Variants in RRM2B observed in about 807,000 individuals in gnomAD.
RRM2B encodes the protein ribonucleoside-diphosphate reductase subunit M2 B.
A neutral mutation model predicts 45.9 loss-of-function variants in RRM2B; 20 were observed. The observed-to-expected ratio is 0.44, with a 90% confidence interval of 0.31 to 0.63. RRM2B has a LOEUF of 0.63. Ranked by LOEUF, RRM2B falls within the 30% of genes least tolerant of loss-of-function variation. The pLI, the probability that RRM2B is intolerant of heterozygous loss-of-function variation, is 0.09. For synonymous variants in RRM2B, 124 were observed against 132.3 expected (o/e 0.94, Z 0.43); for missense variants, 320 against 414.7 (o/e 0.77, Z 1.98).
chr8:102,232,421 G>C (rs1234601008), intron 1 of RRM2B, 117 bp from the exon 2 acceptor site: 2 of 1,004,424 alleles, frequency 2.0e-6, no homozygotes, highest in Admixed American at 3.6e-5. Context: ...CTGTCTGCCT[G>C]GGTTGAATCC....
At chr8:102,209,495 G>C (rs1248336869) in intron 8 of RRM2B, among the ~76,000 whole-genome samples, 1 of 152,172 alleles carries the variant, frequency 6.6e-6, no homozygotes, top group Non-Finnish European at 1.5e-5. Context: ...ATAAGTGTTG[G>C]TGCGGATGTG....
rs1489552982 is a variant in RRM2B at position 102,205,596 on chromosome 8, T to A, written c.*2537A>T. ...AATGAAACATTTTTAATAAATGCAATCTATCATAGAACTGCAAGTTTTTAT... is the reference window on the plus strand; with the variant it reads ...AATGAAACATTTTTAATAAATGCAAACTATCATAGAACTGCAAGTTTTTAT... On this transcript the variant is annotated 3_prime_UTR_variant, in exon 9 of 9. Transcript: ENST00000251810. 1 of 152,178 alleles carries A rather than the reference T, an allele frequency of 6.6e-6. No homozygotes were observed. Among genetic ancestry groups the A allele is most frequent in the Non-Finnish European group, 1.5e-5 (1 of 68,000 alleles). The allele number at this position is 152,178 out of a possible 1,614,324, so 9.4% of individuals were successfully genotyped here.
At chr8:102,236,969 G>A (rs1443889152) in intron 1 of RRM2B, among the ~76,000 whole-genome samples, 4 of 151,854 alleles carry the variant, frequency 2.6e-5, no homozygotes, top group South Asian at 2.1e-4. Flanking sequence ...CACCACTTCC[G>A]TTTCTTTGCC....
chr8:102,232,210 T>C lies in RRM2B; in HGVS notation c.143A>G (p.Gln48Arg), dbSNP rs747846279. The C allele has an allele frequency of 1.2e-6, 2 of 1,614,148 alleles. No individual in the cohort carries two copies. Among genetic ancestry groups the C allele is most frequent in the South Asian group, 1.1e-5 (1 of 91,086 alleles). Residue 48 changes from glutamine (Q) to arginine (R), a missense_variant, in exon 2 of 9, where the codon CAG (glutamine) becomes CGG (arginine). By Grantham distance (43) the Gln-to-Arg change is conservative. Coordinates refer to ENST00000251810, the MANE Select transcript of RRM2B (RefSeq NM_015713.5). ...ATACATTTTCCAAATATCAGGGTAC[T>C]GGATTGGAAAGATGACAAACCGGCG... ...SSRRFVIFPI[Q>R]YPDIWKMYKQ...
At chr8:102,220,239 A>AATC (rs921057172) in intron 5 of RRM2B, among the ~76,000 whole-genome samples, 7 of 152,018 alleles carry the variant, frequency 4.6e-5, no homozygotes, top group Non-Finnish European at 7.4e-5. Flanking sequence ...CCATCTCAAA[A>AATC]ATCATCATCA....
At chr8:102,214,368 C>A in intron 6 of RRM2B, 2 of 573,962 alleles carry the variant, frequency 3.5e-6, no homozygotes, top group Non-Finnish European at 6.3e-6. Flanking sequence ...TCAATGCCAG[C>A]AAATCTTAGT....
chr8:102,211,336 T>C (rs11776865), intron 8 of RRM2B, among the ~76,000 whole-genome samples: 8,708 of 152,346 alleles, frequency 0.057, 273 homozygotes, highest in Middle Eastern at 0.14. Flanking sequence ...TTAAGCTTTT[T>C]GGCAATTTTT....
At position 102,217,937 on chromosome 8, in the gene RRM2B, A is replaced by G. The variant is rs578007196; in HGVS notation, c.684+877T>C. Among the ~76,000 whole-genome samples the G allele has an allele frequency of 1.1e-4, 16 of 152,322 alleles. No homozygotes were observed. In the South Asian group the frequency reaches 3.3e-3, roughly 32 times the overall value. ...CGGATGTGGCTGAAAAAGAAGAAGCAATCTAAAATGATTCCTAAATTTAAA... is the reference window on the plus strand; with the variant it reads ...CGGATGTGGCTGAAAAAGAAGAAGCGATCTAAAATGATTCCTAAATTTAAA... On this transcript the variant is annotated intron_variant, in intron 6 of 8. Transcript: ENST00000251810.
At chr8:102,208,756 T>A (rs1265118) in intron 8 of RRM2B, among the ~76,000 whole-genome samples, 15,082 of 152,190 alleles carry the variant, frequency 0.099, 775 homozygotes, top group African/African-American at 0.1. Flanking sequence ...TAAGGGAACA[T>A]GATCAGGGAA....
At chr8:102,218,154 G>C (rs1217816961) in intron 6 of RRM2B, among the ~76,000 whole-genome samples, 1 of 152,174 alleles carries the variant, frequency 6.6e-6, no homozygotes, top group Non-Finnish European at 1.5e-5. Context: ...AAGAATATCT[G>C]GGACAAAGGG....
intron 1 of RRM2B, among the ~76,000 whole-genome samples, chr8:102,237,828 A>T (rs1457399065): frequency 6.6e-6 from 1 of 152,230 alleles, no homozygotes. Context: ...GCTTACAAAA[A>T]TCAAGTTAAA....
chr8:102,222,612 T>A (rs1004701951), intron 5 of RRM2B, among the ~76,000 whole-genome samples: 1 of 152,212 alleles, frequency 6.6e-6, no homozygotes, highest in African/African-American at 2.4e-5. Flanking sequence ...AATGGTATTT[T>A]CTAGAGGCTA....
intron 5 of RRM2B, among the ~76,000 whole-genome samples, chr8:102,219,942 A>G (rs1810800753): frequency 6.6e-6 from 1 of 152,200 alleles, no homozygotes; most frequent in Admixed American, 6.5e-5. Context: ...GAAGACATTA[A>G]AATCCATTCT....
chr8:102,217,315 C>G (rs1253484122), intron 6 of RRM2B, among the ~76,000 whole-genome samples: 1 of 151,920 alleles, frequency 6.6e-6, no homozygotes, highest in Non-Finnish European at 1.5e-5. Context: ...AATACTTCAA[C>G]AAAACAGTAA....
Position 102,238,811 on chromosome 8 carries a change from CA to C in RRM2B, c.48+15del. 9.3e-6 allele frequency: 15 copies of C among 1,613,814 alleles called. No homozygotes were observed. The highest frequency in any genetic ancestry group is 1.2e-5 in the Non-Finnish European group (14 of 1,179,914). The stretch of plus-strand genomic sequence containing the variant: ...CGTGACTGCGGTGAGGGGGAAGACG[CA>C]ACAGCAACATTTACCTCATCCTGAT... On this transcript the variant is annotated intron_variant, in intron 1 of 8. Transcript: ENST00000251810.
chr8:102,232,848 T>C (rs1811055855), intron 1 of RRM2B, among the ~76,000 whole-genome samples: 1 of 152,230 alleles, frequency 6.6e-6, no homozygotes, highest in Admixed American at 6.5e-5. Context: ...TTTGTTCATC[T>C]TAGCCTTCTG....
chr8:102,218,786 A>G (rs771767658), intron 6 of RRM2B, 28 bp downstream of exon 6: 9 of 1,577,416 alleles, frequency 5.7e-6, no homozygotes, highest in Admixed American at 3.3e-5. Context: ...GAATACAAAT[A>G]TAACTAGAAA....
At chr8:102,236,592 G>A (rs1256306548) in intron 1 of RRM2B, among the ~76,000 whole-genome samples, 1 of 152,100 alleles carries the variant, frequency 6.6e-6, no homozygotes, top group African/African-American at 2.4e-5. Context: ...GTTTTTTGGG[G>A]GACACAGGGT....
intron 5 of RRM2B, among the ~76,000 whole-genome samples, chr8:102,222,461 C>T (rs549842630): frequency 2.8e-4 from 42 of 152,290 alleles, no homozygotes; most frequent in African/African-American, 8.7e-4. Flanking sequence ...GGCCCATATA[C>T]GCACTATATC....
Sources: allele counts gnomAD v4.1 joint callset (sites outside exome capture counted in the v4.1 genomes callset), GRCh38; gene constraint gnomAD v4.1.1; transcripts MANE v1.5; gene names NCBI Gene and HGNC (gene_info 2026-07-23, HGNC 2026-07-21).